ZNF382: variants seen among roughly 807,000 people sequenced by gnomAD.
ZNF382 encodes KRAB/zinc finger suppressor protein 1.
Under a neutral mutation model 38.8 loss-of-function variants are expected in ZNF382, and 20 were observed. The observed-to-expected ratio is 0.51, with a 90% CI of 0.36 to 0.75. The LOEUF (loss-of-function observed/expected upper bound fraction) is 0.75, where lower values mean the gene tolerates loss of function less well. Ranked by LOEUF, ZNF382 falls within the 30% of genes least tolerant of loss-of-function variation. The probability of loss-of-function intolerance (pLI) is 0.00; values close to 1 mark genes in which losing one functional copy is unlikely to be tolerated. For missense variants in ZNF382, 546 were observed against 654.1 expected (o/e 0.83, Z 1.80); for synonymous variants, 202 against 223.1 (o/e 0.91, Z 0.84).
intron 1 of ZNF382, 81 bp downstream of exon 1, chr19:36,605,428 G>A (rs1250351600): frequency 6.6e-6 from 1 of 152,576 alleles, no homozygotes; most frequent in Admixed American, 6.5e-5. Context: ...ACGCGGAACC[G>A]GGTGGGGAGG....
chr19:36,626,182 C>A lies in ZNF382; in HGVS notation c.285C>A (p.Asp95Glu), dbSNP rs1305551975. 7 of 1,574,240 alleles carry A rather than the reference C, an allele frequency of 4.4e-6. No individual in the cohort carries two copies. The highest frequency in any genetic ancestry group is 1.4e-5 in the African/African-American group (1 of 72,532). ...TAGTGAAGTTCAAAGAATACCAAGACAGGCATTCTAGACCCCTCATATTCA... is the reference window on the plus strand; with the variant it reads ...TAGTGAAGTTCAAAGAATACCAAGAAAGGCATTCTAGACCCCTCATATTCA... ...DVLVKFKEYQ[D>E]RHSRPLIFIN... The change falls in exon 5 of 5, where the codon GAC becomes GAA. Residue 95 changes from aspartate to glutamate, a missense_variant. Coordinates refer to ENST00000292928, the MANE Select transcript of ZNF382 (RefSeq NM_032825.5).
At chr19:36,613,970 C>A (rs2037100035) in intron 4 of ZNF382, among the ~76,000 whole-genome samples, 1 of 152,154 alleles carries the variant, frequency 6.6e-6, no homozygotes, top group Admixed American at 6.6e-5. Context: ...GACAATACCA[C>A]CTGGTCTTTG....
At chr19:36,622,975 CAT>C (rs756783877) in intron 4 of ZNF382, among the ~76,000 whole-genome samples, 2 of 152,112 alleles carry the variant, frequency 1.3e-5, no homozygotes, top group Admixed American at 6.6e-5. Flanking sequence ...ACATCTGTAA[CAT>C]GTGAGCAGAC....
At position 36,626,471 on chromosome 19, in the gene ZNF382, G is replaced by C; in HGVS notation, c.574G>C (p.Val192Leu). ...AVNLHKQTER[V>L]LSGKQELIQH... Reference sequence around the variant, plus strand: ...GAATCTCCATAAACAAACAGAAAGAGTTCTCAGTGGTAAACAGGAGCTTAT... The same window carrying C: ...GAATCTCCATAAACAAACAGAAAGACTTCTCAGTGGTAAACAGGAGCTTAT... The change falls in exon 5 of 5, where the codon GTT (valine) becomes CTT (leucine). Residue 192 changes from valine (V) to leucine (L), a missense_variant. Coordinates refer to ENST00000292928, the MANE Select transcript of ZNF382 (RefSeq NM_032825.5). The C allele has an allele frequency of 6.2e-7, 1 of 1,603,938 alleles. No homozygotes were observed. The highest frequency in any genetic ancestry group is 8.5e-7 in the Non-Finnish European group (1 of 1,177,132).
intron 4 of ZNF382, among the ~76,000 whole-genome samples, 185 bp from the exon 5 acceptor site, chr19:36,625,942 TTTC>T (rs1282408609): frequency 6.6e-6 from 1 of 152,222 alleles, no homozygotes; most frequent in Non-Finnish European, 1.5e-5. Context: ...TATGCCAGTT[TTTC>T]TTCATTTTAA....
At position 36,626,701 on chromosome 19, in the gene ZNF382, T is replaced by C. The variant is rs2037216562; in HGVS notation, c.804T>C (p.Ser268=). Residue 268 remains serine, a synonymous_variant, in exon 5 of 5, where the codon TCT becomes TCC. Transcript: ENST00000292928. ...HPSNLMEKKP[S]AYNKYGKFLC... The stretch of plus-strand genomic sequence containing the variant: ...GTAATCTTATGGAAAAGAAGCCCTC[T>C]GCCTACAACAAATATGGGAAATTCC... 2 of 1,614,052 alleles carry C rather than the reference T, an allele frequency of 1.2e-6. No individual in the cohort carries two copies. Among genetic ancestry groups the C allele is most frequent in the Non-Finnish European group, 1.7e-6 (2 of 1,180,022 alleles).
chr19:36,613,394 G>A (rs907050683), intron 4 of ZNF382, among the ~76,000 whole-genome samples: 3 of 148,774 alleles, frequency 2.0e-5, no homozygotes, highest in Admixed American at 6.7e-5. Flanking sequence ...GGTGAGGATA[G>A]TGCTCTGTAA....
intron 1 of ZNF382, among the ~76,000 whole-genome samples, chr19:36,605,911 A>G (rs1600384212): frequency 6.6e-6 from 1 of 152,184 alleles, no homozygotes; most frequent in Non-Finnish European, 1.5e-5. Context: ...GACTGCCTGG[A>G]GTCGTGTTAG....
intron 4 of ZNF382, among the ~76,000 whole-genome samples, chr19:36,616,111 G>A (rs2037123884): frequency 6.6e-6 from 1 of 152,156 alleles, no homozygotes; most frequent in African/African-American, 2.4e-5. Flanking sequence ...CAAGTGTTGT[G>A]GCTCACACCT....
Position 36,626,299 on chromosome 19 carries a change from T to C in ZNF382, c.402T>C (p.Cys134=). Residue 134 remains cysteine, a synonymous_variant, in exon 5 of 5, where the codon TGT becomes TGC. Transcript: ENST00000292928. ...GKNRISKTIL[C]EYKPDGKVLK... is the part of the protein sequence containing the mutation. ...ACCGTATTTCAAAAACAATACTATG[T>C]GAATATAAACCTGATGGAAAAGTTT... The C allele has an allele frequency of 6.3e-7, 1 of 1,598,576 alleles. No homozygotes were observed. The highest frequency in any genetic ancestry group is 8.5e-7 in the Non-Finnish European group (1 of 1,175,910).
chr19:36,631,076 C>T lies in ZNF382; in HGVS notation c.*3526C>T, dbSNP rs2037251192. 6.6e-6 allele frequency: 1 copy of T among 151,970 alleles called. No individual in the cohort carries two copies. Among genetic ancestry groups the T allele is most frequent in the South Asian group, 2.1e-4 (1 of 4,818 alleles). 9.4% of individuals were successfully genotyped at this position (151,970 alleles called of 1,614,324 possible). A position where few individuals can be genotyped will look rare whatever the true frequency, so the allele number is the denominator to read the frequency against. ...CTGGGGTTACAGGTGTGAGCCACTT[C>T]ACTCACTTTAGAGATTTTCACTTTA... On this transcript the variant is annotated 3_prime_UTR_variant, in exon 5 of 5. Transcript: ENST00000292928.
chr19:36,612,739 A>C (rs1024046772), intron 4 of ZNF382, among the ~76,000 whole-genome samples: 3 of 152,172 alleles, frequency 2.0e-5, no homozygotes, highest in Admixed American at 6.5e-5. Context: ...TTTCAAGTGC[A>C]TTTTATATCA....
chr19:36,607,515 T>A, intron 1 of ZNF382, 37 bp from the exon 2 acceptor site: 1 of 1,250,028 alleles, frequency 8.0e-7, no homozygotes, highest in Non-Finnish European at 1.1e-6. Flanking sequence ...TCAAGTATGG[T>A]CTCACATACG....
At chr19:36,610,472 AAAAGG>A in intron 3 of ZNF382, 173 bp from the exon 4 acceptor site, 1 of 486,690 alleles carries the variant, frequency 2.1e-6, no homozygotes, top group Non-Finnish European at 3.6e-6. Flanking sequence ...AAAAGAAAAG[AAAAGG>A]AAAGAAAGAA....
In ZNF382 at chr19:36,610,624, C is replaced by T. The variant is rs374774523; in HGVS notation, c.140-26C>T. Reference sequence around the variant, plus strand: ...AGTTTTAAAGTCGAAACAGCTTAGACCAAAAGTCTCATTTTCCATCATCAG... The same window carrying T: ...AGTTTTAAAGTCGAAACAGCTTAGATCAAAAGTCTCATTTTCCATCATCAG... On this transcript the variant is annotated intron_variant, in intron 3 of 4. Coordinates refer to ENST00000292928, the MANE Select transcript of ZNF382 (RefSeq NM_032825.5). The T allele has an allele frequency of 6.5e-5, 104 of 1,593,692 alleles. 1 individual carries two copies. The East Asian group carries it at 9.0e-4, about 14-fold the overall frequency.
rs968184668 is a variant in ZNF382, at chr19:36,631,083, T to G, written c.*3533T>G. The G allele has an allele frequency of 1.6e-4, 25 of 151,992 alleles. No homozygotes were observed. The highest frequency in any genetic ancestry group is 5.8e-4 in the African/African-American group (24 of 41,382). 9.4% of individuals were successfully genotyped at this position (151,992 alleles called of 1,614,324 possible). A position where few individuals can be genotyped will look rare whatever the true frequency, so the allele number is the denominator to read the frequency against. On this transcript the variant is annotated 3_prime_UTR_variant, in exon 5 of 5. Coordinates refer to ENST00000292928, the MANE Select transcript of ZNF382 (RefSeq NM_032825.5). Reference sequence around the variant, plus strand: ...TACAGGTGTGAGCCACTTCACTCACTTTAGAGATTTTCACTTTATGAATTG... The same window carrying G: ...TACAGGTGTGAGCCACTTCACTCACGTTAGAGATTTTCACTTTATGAATTG...
rs143712310 is a variant in ZNF382 at position 36,626,854 on chromosome 19, A to G, written c.957A>G (p.Thr319=). Residue 319 remains threonine, a synonymous_variant, in exon 5 of 5, where the codon ACA becomes ACG. Coordinates refer to ENST00000292928, the MANE Select transcript of ZNF382 (RefSeq NM_032825.5). ...TCATTGAACATCAGCGAATTCACAC[A>G]GGTGAAAAACCTTATGTTTGCAATC... is the stretch of plus-strand genomic sequence containing the variant. ...SYLIEHQRIH[T]GEKPYVCNQC... 8 of 1,614,158 alleles carry G rather than the reference A, an allele frequency of 5.0e-6. No individual in the cohort carries two copies. The Admixed American group carries it at 1.0e-4, about 20-fold the overall frequency.
intron 4 of ZNF382, among the ~76,000 whole-genome samples, chr19:36,617,037 A>G (rs2037131168): frequency 6.6e-6 from 1 of 152,116 alleles, no homozygotes; most frequent in Admixed American, 6.6e-5. Flanking sequence ...TACAGGAGCC[A>G]GTGTAGAGAA....
Position 36,610,673 on chromosome 19 carries a change from A to C in ZNF382, c.163A>C (p.Met55Leu), listed in dbSNP as rs764026281. ...SVGFHMAKPD[M>L]IRKLEQGEEL... ...AGGGTTTCACATGGCTAAGCCTGAT[A>C]TGATCCGCAAGTTGGAACAAGGAGA... Residue 55 changes from methionine to leucine, a missense_variant, in exon 4 of 5, where the codon ATG (methionine) becomes CTG (leucine). Transcript: ENST00000292928. The C allele has an allele frequency of 6.2e-7, 1 of 1,613,410 alleles. No homozygotes were observed. The highest frequency in any genetic ancestry group is 8.5e-7 in the Non-Finnish European group (1 of 1,179,582).
Sources: gnomAD v4.1 joint callset for allele counts (sites outside exome capture counted in the v4.1 genomes callset) on GRCh38, gnomAD v4.1.1 for gene constraint, MANE v1.5 for transcripts, NCBI Gene and HGNC (gene_info 2026-07-23, HGNC 2026-07-21) for gene names.